Variants in CDH8 observed in about 807,000 individuals in gnomAD.
CDH8 encodes the protein cadherin 8.
A neutral mutation model predicts 68.1 loss-of-function variants in CDH8; 17 were observed. The ratio of observed to expected loss-of-function variants is 0.25; its 90% CI spans 0.17 to 0.37. The LOEUF (loss-of-function observed/expected upper bound fraction) is 0.37. Ranked by LOEUF, CDH8 falls within the 10% of genes least tolerant of loss-of-function variation. The probability of loss-of-function intolerance (pLI) is 1.00; values close to 1 mark genes in which losing one functional copy is unlikely to be tolerated. For synonymous variants in CDH8, 372 were observed against 365.1 expected, an observed-to-expected ratio of 1.02 and a Z score of -0.21; for missense variants, 763 against 999.3, an observed-to-expected ratio of 0.76 and a Z score of 3.19.
At chr16:61,688,550 C>T (rs985977783) in intron 10 of CDH8, among the ~76,000 whole-genome samples, 5 of 151,808 alleles carry the variant, frequency 3.3e-5, no homozygotes, top group Non-Finnish European at 7.4e-5. Flanking sequence ...CTACAATAAT[C>T]CCAAATGCAG....
chr16:61,650,209 C>T lies in CDH8; in HGVS notation c.*3399G>A, dbSNP rs899496906. ...AAAAATATTGTTAAGAAATGCCCCCCTTAATACTCTTTAATATTCATATAT... is the reference window on the plus strand; with the variant it reads ...AAAAATATTGTTAAGAAATGCCCCCTTTAATACTCTTTAATATTCATATAT... On this transcript the variant is annotated 3_prime_UTR_variant, in exon 12 of 12. Coordinates refer to ENST00000577390, the MANE Select transcript of CDH8 (RefSeq NM_001796.5). 3.3e-5 allele frequency: 5 copies of T among 152,022 alleles called. No individual in the cohort carries two copies. In the East Asian group the frequency reaches 7.7e-4, roughly 24 times the overall value. 9.4% of individuals were successfully genotyped at this position (152,022 alleles called of 1,614,324 possible). A position where few individuals can be genotyped will look rare whatever the true frequency, so the allele number is the denominator to read the frequency against.
At chr16:61,817,418 C>G in intron 7 of CDH8, 61 bp downstream of exon 7, 1 of 1,554,764 alleles carries the variant, frequency 6.4e-7, no homozygotes, top group Non-Finnish European at 8.9e-7. Flanking sequence ...CAAGCAAAGG[C>G]ATTTTTCACT....
At chr16:61,914,805 G>A (rs1285007847) in intron 2 of CDH8, among the ~76,000 whole-genome samples, 1 of 151,448 alleles carries the variant, frequency 6.6e-6, no homozygotes, top group Non-Finnish European at 1.5e-5. Flanking sequence ...TTAGAAGGCT[G>A]ACAAAGCAAG....
chr16:61,866,406 C>T (rs569980764), intron 3 of CDH8, among the ~76,000 whole-genome samples: 1 of 152,044 alleles, frequency 6.6e-6, no homozygotes, highest in Non-Finnish European at 1.5e-5. Context: ...TTTACTTTAG[C>T]AGTGTTTTCA....
At chr16:61,800,366 T>C (rs1034422496) in intron 7 of CDH8, among the ~76,000 whole-genome samples, 5 of 152,212 alleles carry the variant, frequency 3.3e-5, no homozygotes, top group African/African-American at 4.8e-5. Flanking sequence ...TGATGTCCAA[T>C]AAATGTTAGC....
At chr16:61,701,954 T>C (rs1282726369) in intron 10 of CDH8, among the ~76,000 whole-genome samples, 2 of 152,266 alleles carry the variant, frequency 1.3e-5, no homozygotes, top group Non-Finnish European at 2.9e-5. Flanking sequence ...CTTTTTTATG[T>C]CTTCTATAAC....
At chr16:61,838,484 T>C (rs1962614607) in intron 4 of CDH8, among the ~76,000 whole-genome samples, 1 of 152,140 alleles carries the variant, frequency 6.6e-6, no homozygotes, top group Non-Finnish European at 1.5e-5. Flanking sequence ...CGCAAGATTC[T>C]CTGCAGCAAA....
chr16:61,863,327 C>T (rs570129952), intron 3 of CDH8, among the ~76,000 whole-genome samples: 1 of 152,258 alleles, frequency 6.6e-6, no homozygotes, highest in East Asian at 1.9e-4. Flanking sequence ...TTCTCCCCTT[C>T]CACATAATAA....
chr16:61,746,801 C>T (rs943594508), intron 8 of CDH8, among the ~76,000 whole-genome samples: 1 of 152,020 alleles, frequency 6.6e-6, no homozygotes, highest in African/African-American at 2.4e-5. Context: ...CAAAGCCAGA[C>T]CAATTTCTTG....
chr16:61,696,291 G>C (rs1567427457), intron 10 of CDH8, among the ~76,000 whole-genome samples: 1 of 152,144 alleles, frequency 6.6e-6, no homozygotes. Flanking sequence ...CAATCAAGTG[G>C]CTCCAGTGGA....
intron 10 of CDH8, among the ~76,000 whole-genome samples, chr16:61,686,864 T>C (rs1014212464): frequency 6.6e-6 from 1 of 151,882 alleles, no homozygotes; most frequent in African/African-American, 2.4e-5. Context: ...CTTTTGAGGT[T>C]TGAAAGCAGA....
chr16:61,920,492 C>A (rs1381920808), intron 2 of CDH8, among the ~76,000 whole-genome samples: 1 of 141,604 alleles, frequency 7.1e-6, no homozygotes, highest in African/African-American at 2.7e-5. Context: ...AGCCAAAAAA[C>A]ACATGAAAAA....
intron 10 of CDH8, among the ~76,000 whole-genome samples, chr16:61,664,225 T>C (rs907355322): frequency 7.2e-5 from 11 of 151,998 alleles, no homozygotes; most frequent in African/African-American, 2.7e-4. Flanking sequence ...ATTTCTTTCA[T>C]AAATTGTCCC....
At chr16:61,837,947 G>C (rs1962602643) in intron 4 of CDH8, among the ~76,000 whole-genome samples, 1 of 151,858 alleles carries the variant, frequency 6.6e-6, no homozygotes, top group East Asian at 1.9e-4. Flanking sequence ...AGGGAAGCCG[G>C]AGGCAAAAAA....
rs554424274 is a variant in CDH8 at position 61,938,528 on chromosome 16, T to G, written c.253-37055A>C. Among the ~76,000 whole-genome samples, 4 of 152,286 alleles carry G rather than the reference T, an allele frequency of 2.6e-5. No homozygotes were observed. The South Asian group carries it at 8.3e-4, about 32-fold the overall frequency. On this transcript the variant is annotated intron_variant, in intron 2 of 11. Transcript: ENST00000577390. Reference sequence around the variant, plus strand: ...ACATGTCTAAGAATTGCAAATATACTTGCTAAATGTTAGTGTTAATAAATA... The same window carrying G: ...ACATGTCTAAGAATTGCAAATATACGTGCTAAATGTTAGTGTTAATAAATA...
intron 8 of CDH8, among the ~76,000 whole-genome samples, chr16:61,764,506 A>G (rs1024670186): frequency 1.3e-5 from 2 of 152,062 alleles, no homozygotes; most frequent in African/African-American, 4.8e-5. Flanking sequence ...CAACATGGTA[A>G]CCATTTTACA....
In CDH8 at chr16:62,003,051, C is replaced by CA. The variant is rs112057283; in HGVS notation, c.252+18100dup. Among the ~76,000 whole-genome samples, 229 of 145,204 alleles carry CA rather than the reference C, an allele frequency of 1.6e-3. 1 individual carries two copies. The highest frequency in any genetic ancestry group is 0.015 in the East Asian group (74 of 5,024). On this transcript the variant is annotated intron_variant, in intron 2 of 11. Transcript: ENST00000577390. ...TGGGCGACAGAGCCAGACTCCGTTTCAAAAAAAAAAATCAGAAATGTTTGG... is the reference window on the plus strand; with the variant it reads ...TGGGCGACAGAGCCAGACTCCGTTTCAAAAAAAAAAAATCAGAAATGTTTGG...
intron 10 of CDH8, among the ~76,000 whole-genome samples, chr16:61,660,432 G>T (rs1161030671): frequency 6.6e-6 from 1 of 151,732 alleles, no homozygotes; most frequent in African/African-American, 2.4e-5. Flanking sequence ...GAGAAAAAAA[G>T]AATAAAGAGA....
In CDH8 at chr16:61,963,812, T is replaced by C. The variant is rs1336246093; in HGVS notation, c.252+57340A>G. Among the ~76,000 whole-genome samples, 6 of 152,362 alleles carry C rather than the reference T, an allele frequency of 3.9e-5. No individual in the cohort carries two copies. The South Asian group carries it at 1.2e-3, about 32-fold the overall frequency. ...TTAATATTTTCATTACTTGAGAATC[T>C]TCTAACATGTCAGACATAAGTGAAT... On this transcript the variant is annotated intron_variant, in intron 2 of 11. Coordinates refer to ENST00000577390, the MANE Select transcript of CDH8 (RefSeq NM_001796.5).
Sources: allele counts gnomAD v4.1 joint callset (sites outside exome capture counted in the v4.1 genomes callset), GRCh38; gene constraint gnomAD v4.1.1; transcripts MANE v1.5; gene names NCBI Gene and HGNC (gene_info 2026-07-23, HGNC 2026-07-21).